TMPO: variants seen among roughly 807,000 people sequenced by gnomAD.
TMPO encodes the protein thymopoietin, also known as LEM domain containing 4.
In TMPO, 22 loss-of-function variants were observed where a neutral mutation model predicts 45.4. The ratio of observed to expected loss-of-function variants is 0.48; its 90% CI spans 0.35 to 0.69. The LOEUF (loss-of-function observed/expected upper bound fraction) is 0.69, where lower values mean the gene tolerates loss of function less well. Ranked by LOEUF, TMPO falls within the 30% of genes least tolerant of loss-of-function variation. The probability of loss-of-function intolerance (pLI) is 0.01; values close to 1 mark genes in which losing one functional copy is unlikely to be tolerated. For synonymous variants in TMPO, 241 were observed against 204.1 expected (o/e 1.18, Z -1.54); for missense variants, 512 against 548.8 (o/e 0.93, Z 0.67).
chr12:98,527,616 CTA>C, intron 1 of TMPO: 1 of 265,164 alleles, frequency 3.8e-6, no homozygotes, highest in African/African-American at 2.2e-5. Flanking sequence ...GATGCCATTA[CTA>C]TCTCTTTTAG....
In TMPO at chr12:98,515,708, G is replaced by T; in HGVS notation, c.-160G>T. On this transcript the variant is annotated 5_prime_UTR_variant, in exon 1 of 9. Coordinates refer to ENST00000556029, the MANE Select transcript of TMPO (RefSeq NM_001032283.3). The stretch of plus-strand genomic sequence containing the variant: ...GGTCTTTTGTGTCCGGGTCTGGCTT[G>T]GCTTTGTGTCCGCGAGTTTTTGTTC... 6.8e-7 allele frequency: 1 copy of T among 1,470,742 alleles called. No individual in the cohort carries two copies. Among genetic ancestry groups the T allele is most frequent in the Non-Finnish European group, 9.1e-7 (1 of 1,096,456 alleles). The allele number at this position is 1,470,742 out of a possible 1,614,324, so 91.1% of individuals were successfully genotyped here.
chr12:98,532,628 T>C (rs1373315873), intron 3 of TMPO, among the ~76,000 whole-genome samples: 2 of 152,170 alleles, frequency 1.3e-5, no homozygotes, highest in Non-Finnish European at 2.9e-5. Context: ...TAATATGACT[T>C]GTGATTATTT....
At chr12:98,535,157 A>G (rs765990492) in intron 3 of TMPO, 46 of 985,220 alleles carry the variant, frequency 4.7e-5, no homozygotes, top group Non-Finnish European at 4.9e-5. Context: ...GGGATAGTGC[A>G]TGTTCACCAT....
At chr12:98,543,912 A>G (rs1878068232) in intron 4 of TMPO, among the ~76,000 whole-genome samples, 1 of 152,234 alleles carries the variant, frequency 6.6e-6, no homozygotes, top group Non-Finnish European at 1.5e-5. Context: ...ATGTAGCTCC[A>G]ATACTAGAGC....
chr12:98,515,687 TTTTGTGTCCGGGTCTGGCTTGGC>T lies in TMPO; in HGVS notation c.-170_-148del. 2 of 1,365,560 alleles carry T rather than the reference TTTTGTGTCCGGGTCTGGCTTGGC, an allele frequency of 1.5e-6. No homozygotes were observed. The highest frequency in any genetic ancestry group is 1.5e-5 in the African/African-American group (1 of 68,654). The allele number at this position is 1,365,560 out of a possible 1,614,324, so 84.6% of individuals were successfully genotyped here. A position where few individuals can be genotyped will look rare whatever the true frequency, so the allele number is the denominator to read the frequency against. On this transcript the variant is annotated 5_prime_UTR_variant, in exon 1 of 9. Transcript: ENST00000556029. Reference sequence around the variant, plus strand: ...TGGTTCGTAGTTCGGCTCTGGGGTCTTTTGTGTCCGGGTCTGGCTTGGCTTTGTGTCCGCGAGTTTTTGTTCCG... The same window carrying T: ...TGGTTCGTAGTTCGGCTCTGGGGTCTTTTGTGTCCGCGAGTTTTTGTTCCG...
At chr12:98,542,218 G>A (rs1331929314) in intron 4 of TMPO, among the ~76,000 whole-genome samples, 2 of 152,304 alleles carry the variant, frequency 1.3e-5, no homozygotes, top group Non-Finnish European at 2.9e-5. Flanking sequence ...GAAGCATTTT[G>A]CATTCCCACC....
Position 98,527,914 on chromosome 12 carries a change from G to C in TMPO, c.308G>C (p.Arg103Thr). 1 of 1,613,824 alleles carries C rather than the reference G, an allele frequency of 6.2e-7. No homozygotes were observed. Among genetic ancestry groups the C allele is most frequent in the Non-Finnish European group, 8.5e-7 (1 of 1,179,894 alleles). Residue 103 changes from arginine to threonine, a missense_variant, in exon 2 of 9, where the codon AGA becomes ACA. By Grantham distance (71) the Arg-to-Thr change is moderately conservative. Coordinates refer to ENST00000556029, the MANE Select transcript of TMPO (RefSeq NM_001032283.3). ...RKATKKTDKP[R>T]QEDKDDLDVT... Reference sequence around the variant, plus strand: ...GCCACAAAAAAAACTGATAAACCCAGACAAGAAGATAAAGATGATCTAGAT... The same window carrying C: ...GCCACAAAAAAAACTGATAAACCCACACAAGAAGATAAAGATGATCTAGAT...
At chr12:98,522,648 A>T (rs1876458905) in intron 1 of TMPO, among the ~76,000 whole-genome samples, 1 of 152,214 alleles carries the variant, frequency 6.6e-6, no homozygotes, top group African/African-American at 2.4e-5. Context: ...ATGATTTCTG[A>T]ATTTTTGTCT....
chr12:98,524,052 T>C (rs915198362), intron 1 of TMPO, among the ~76,000 whole-genome samples: 3 of 152,240 alleles, frequency 2.0e-5, no homozygotes, highest in African/African-American at 7.2e-5. Context: ...TACTTTTTCC[T>C]TCCCCAGATT....
Position 98,546,418 on chromosome 12 carries a change from C to T in TMPO, c.1050C>T (p.Pro350=), listed in dbSNP as rs1878232482. 1.9e-6 allele frequency: 3 copies of T among 1,610,764 alleles called. No individual in the cohort carries two copies. Among genetic ancestry groups the T allele is most frequent in the South Asian group, 2.2e-5 (2 of 90,966 alleles). The change falls in exon 8 of 9, where the codon CCC becomes CCT. Residue 350 remains proline, a synonymous_variant. Coordinates refer to ENST00000556029, the MANE Select transcript of TMPO (RefSeq NM_001032283.3). ...VERDILKEMF[P]YEASTPTGIS... ...GGGATATTCTTAAGGAAATGTTCCCCTATGAAGCATCTACACCAACAGGAA... is the reference window on the plus strand; with the variant it reads ...GGGATATTCTTAAGGAAATGTTCCCTTATGAAGCATCTACACCAACAGGAA...
At chr12:98,545,297 G>A (rs940288866) in intron 7 of TMPO, among the ~76,000 whole-genome samples, 22 of 152,010 alleles carry the variant, frequency 1.4e-4, no homozygotes, top group African/African-American at 5.1e-4. Flanking sequence ...TCCCTCTTAA[G>A]TTCCAGTTTT....
chr12:98,528,994 A>G (rs757625660), intron 2 of TMPO, among the ~76,000 whole-genome samples: 3 of 152,062 alleles, frequency 2.0e-5, no homozygotes, highest in Non-Finnish European at 4.4e-5. Context: ...GAAAAAGAAA[A>G]AGTGAGTTAG....
rs1877633273 is a variant in TMPO at position 98,537,340 on chromosome 12, T to C, written c.566-135T>C. ...AAATTGCAGTTAAACAATTTTGGAC[T>C]AGTGAGGTATTACCAGTAGACTTGT... On this transcript the variant is annotated intron_variant, in intron 3 of 8. Coordinates refer to ENST00000556029, the MANE Select transcript of TMPO (RefSeq NM_001032283.3). The C allele has an allele frequency of 1.1e-5, 7 of 658,380 alleles. No homozygotes were observed. The South Asian group carries it at 1.3e-4, about 12-fold the overall frequency. The allele number at this position is 658,380 out of a possible 1,614,324, so 40.8% of individuals were successfully genotyped here. A position where few individuals can be genotyped will look rare whatever the true frequency, so the allele number is the denominator to read the frequency against.
chr12:98,526,334 C>G (rs1350170990), intron 1 of TMPO, among the ~76,000 whole-genome samples: 1 of 152,072 alleles, frequency 6.6e-6, no homozygotes, highest in African/African-American at 2.4e-5. Context: ...GAGATTGGTT[C>G]CAGGACCCGG....
intron 3 of TMPO, chr12:98,532,312 C>G (rs1035211738): frequency 1.2e-5 from 2 of 161,382 alleles, no homozygotes; most frequent in African/African-American, 2.4e-5. Flanking sequence ...TTTTCTTACT[C>G]CATTATTTTT....
At position 98,538,725 on chromosome 12, in the gene TMPO, C is replaced by A. The variant is rs547978432; in HGVS notation, c.663+1153C>A. Among the ~76,000 whole-genome samples the A allele has an allele frequency of 2.0e-5, 3 of 152,234 alleles. No homozygotes were observed. The East Asian group carries it at 5.8e-4, about 29-fold the overall frequency. On this transcript the variant is annotated intron_variant, in intron 4 of 8. Coordinates refer to ENST00000556029, the MANE Select transcript of TMPO (RefSeq NM_001032283.3). ...CTTAAGGCAAGTCAGTCTCTCTCTT[C>A]ATTTGATGTAGTTGATAAGTTGAAT... is the stretch of plus-strand genomic sequence containing the variant.
intron 1 of TMPO, among the ~76,000 whole-genome samples, chr12:98,522,299 G>A (rs996190513): frequency 1.3e-5 from 2 of 152,182 alleles, no homozygotes; most frequent in Admixed American, 1.3e-4. Context: ...GTAGGTGTGA[G>A]CTGCTGCTCC....
chr12:98,528,994 AAG>A (rs1876989298), intron 2 of TMPO, among the ~76,000 whole-genome samples: 1 of 152,062 alleles, frequency 6.6e-6, no homozygotes, highest in African/African-American at 2.4e-5. Context: ...GAAAAAGAAA[AAG>A]TGAGTTAGTG....
intron 4 of TMPO, among the ~76,000 whole-genome samples, chr12:98,542,167 T>C (rs1877952719): frequency 6.6e-6 from 1 of 152,226 alleles, no homozygotes; most frequent in Non-Finnish European, 1.5e-5. Flanking sequence ...CCAGTAAAAT[T>C]GCTAGGTAAT....
Sources: allele counts gnomAD v4.1 joint callset (sites outside exome capture counted in the v4.1 genomes callset), GRCh38; gene constraint gnomAD v4.1.1; transcripts MANE v1.5; gene names NCBI Gene and HGNC (gene_info 2026-07-23, HGNC 2026-07-21).